VAV2: variants seen among roughly 807,000 people sequenced by gnomAD.
The protein encoded by VAV2 is guanine nucleotide exchange factor VAV2.
Under a neutral mutation model 132.5 loss-of-function variants are expected in VAV2, and 67 were observed. The ratio of observed to expected loss-of-function variants is 0.51; its 90% confidence interval spans 0.42 to 0.62. The LOEUF (loss-of-function observed/expected upper bound fraction) is 0.62. Ranked by LOEUF, VAV2 falls within the 20% of genes least tolerant of loss-of-function variation. The pLI is 0.00. For missense variants in VAV2, 938 were observed against 1,153.6 expected (o/e 0.81, Z 2.71); for synonymous variants, 492 against 443.5 (o/e 1.11, Z -1.37).
intron 1 of VAV2, among the ~76,000 whole-genome samples, chr9:133,967,733 A>T (rs1177581675): frequency 6.8e-6 from 1 of 146,234 alleles, no homozygotes; most frequent in Non-Finnish European, 1.5e-5. Context: ...GGAGTTTGAG[A>T]CCAGCCCGCC....
chr9:133,853,578 G>C (rs1026662864), intron 3 of VAV2, among the ~76,000 whole-genome samples: 1 of 152,070 alleles, frequency 6.6e-6, no homozygotes, highest in Admixed American at 6.5e-5. Context: ...ACGGCCAAGC[G>C]GAGTCTGCAT....
chr9:133,900,925 G>A (rs559882902), intron 2 of VAV2, among the ~76,000 whole-genome samples: 11 of 151,816 alleles, frequency 7.2e-5, no homozygotes, highest in South Asian at 4.2e-4. Flanking sequence ...CAGCTCCCCC[G>A]AGAAGCTGGG....
At chr9:133,880,299 C>G (rs1838440680) in intron 2 of VAV2, among the ~76,000 whole-genome samples, 1 of 152,194 alleles carries the variant, frequency 6.6e-6, no homozygotes, top group African/African-American at 2.4e-5. Flanking sequence ...CAGGAAGCAG[C>G]TGAGCTGAGA....
intron 17 of VAV2, among the ~76,000 whole-genome samples, chr9:133,784,746 G>A (rs1834150160): frequency 6.6e-6 from 1 of 152,158 alleles, no homozygotes; most frequent in South Asian, 2.1e-4. Context: ...ATATACTTAA[G>A]ATTTGTTTGC....
chr9:133,866,875 T>G (rs1016104243), intron 2 of VAV2, among the ~76,000 whole-genome samples: 8 of 151,320 alleles, frequency 5.3e-5, no homozygotes, highest in African/African-American at 1.7e-4. Flanking sequence ...GTGGTGTCTG[T>G]TTAGCACATG....
At chr9:133,877,198 G>A (rs1459663255) in intron 2 of VAV2, among the ~76,000 whole-genome samples, 1 of 152,108 alleles carries the variant, frequency 6.6e-6, no homozygotes, top group Non-Finnish European at 1.5e-5. Context: ...CTGGCTGTAC[G>A]AGGAGAGGCT....
intron 3 of VAV2, among the ~76,000 whole-genome samples, chr9:133,851,821 A>ATGGATGGATGGATGCACAAATGGG (rs1396486219): frequency 1.2e-4 from 18 of 151,006 alleles, no homozygotes; most frequent in African/African-American, 4.2e-4. Flanking sequence ...GGATGGATGG[A>ATGGATGGATGGATGCACAAATGGG]TGGATGGATG....
rs1448579586 is a variant in VAV2 at position 133,885,642 on chromosome 9, G to GC, written c.322-24211dup. Among the ~76,000 whole-genome samples the GC allele has an allele frequency of 6.6e-6, 1 of 152,128 alleles. No individual in the cohort carries two copies. Among genetic ancestry groups the GC allele is most frequent in the Non-Finnish European group, 1.5e-5 (1 of 68,014 alleles). ...CAAGCTTGGTGTGGTGTTCTGCTGG[G>GC]CCCCCACCTCCAATTTCCATCTAAC... is the stretch of plus-strand genomic sequence containing the variant. On this transcript the variant is annotated intron_variant, in intron 2 of 29. Coordinates refer to ENST00000371850, the MANE Select transcript of VAV2 (RefSeq NM_001134398.2). The surrounding 1 kb of genome is among the most constrained non-coding windows in gnomAD (Gnocchi z 5.0).
chr9:133,902,246 A>G (rs1839474441), intron 2 of VAV2, among the ~76,000 whole-genome samples: 1 of 152,214 alleles, frequency 6.6e-6, no homozygotes, highest in Non-Finnish European at 1.5e-5. Flanking sequence ...AGGACCACGC[A>G]GGACAATCCA....
intron 1 of VAV2, among the ~76,000 whole-genome samples, chr9:133,989,743 G>A (rs566900840): frequency 2.6e-5 from 4 of 152,308 alleles, no homozygotes; most frequent in African/African-American, 7.2e-5. Flanking sequence ...ACAGAGAAAC[G>A]AAGTCTTTCT....
intron 2 of VAV2, among the ~76,000 whole-genome samples, chr9:133,861,705 C>A (rs1201669891): frequency 6.6e-6 from 1 of 152,210 alleles, no homozygotes; most frequent in Non-Finnish European, 1.5e-5. Flanking sequence ...TGCTTCTCAC[C>A]CAGAAAGGGT....
intron 1 of VAV2, among the ~76,000 whole-genome samples, chr9:133,981,313 A>G (rs1477676905): frequency 6.6e-6 from 1 of 152,168 alleles, no homozygotes; most frequent in African/African-American, 2.4e-5. Flanking sequence ...ACCCCCCACT[A>G]TACCCGTGCA....
intron 4 of VAV2, among the ~76,000 whole-genome samples, chr9:133,815,158 A>G (rs1835509328): frequency 6.6e-6 from 1 of 152,154 alleles, no homozygotes; most frequent in East Asian, 1.9e-4. Flanking sequence ...GGGTGGACCT[A>G]GAAAAGGGGT....
At chr9:133,892,782 G>C (rs530908075) in intron 2 of VAV2, among the ~76,000 whole-genome samples, 1 of 152,294 alleles carries the variant, frequency 6.6e-6, no homozygotes, top group African/African-American at 2.4e-5. Context: ...GGCGAATCCG[G>C]GCCAGGCTTC....
rs968479842 is a variant in VAV2, at chr9:133,885,657, T to A, written c.322-24225A>T. On this transcript the variant is annotated intron_variant, in intron 2 of 29. Transcript: ENST00000371850. The surrounding 1 kb of genome is among the most constrained non-coding windows in gnomAD (Gnocchi z 5.0). Reference sequence around the variant, plus strand: ...GTTCTGCTGGGCCCCCACCTCCAATTTCCATCTAACAGCTCTGAAATGACT... The same window carrying A: ...GTTCTGCTGGGCCCCCACCTCCAATATCCATCTAACAGCTCTGAAATGACT... Among the ~76,000 whole-genome samples the A allele has an allele frequency of 1.1e-4, 16 of 152,026 alleles. No homozygotes were observed. The highest frequency in any genetic ancestry group is 3.9e-4 in the African/African-American group (16 of 41,384).
chr9:133,851,238 C>T (rs566298198), intron 3 of VAV2, among the ~76,000 whole-genome samples: 1 of 152,354 alleles, frequency 6.6e-6, no homozygotes, highest in Admixed American at 6.5e-5. Flanking sequence ...TTAACCCTTG[C>T]AGCCTTCCAG....
In VAV2 at chr9:133,790,704, G is replaced by C. The variant is rs557174894; in HGVS notation, c.1188+1079C>G. Among the ~76,000 whole-genome samples the C allele has an allele frequency of 6.6e-5, 10 of 152,214 alleles. No homozygotes were observed. In the South Asian group the frequency reaches 2.1e-3, roughly 32 times the overall value. On this transcript the variant is annotated intron_variant, in intron 13 of 29. Coordinates refer to ENST00000371850, the MANE Select transcript of VAV2 (RefSeq NM_001134398.2). ...TTCTTTCTAAAATGAAAGATGAAGGGGGCAGTATCATAATGCCCTTCAGAA... is the reference window on the plus strand; with the variant it reads ...TTCTTTCTAAAATGAAAGATGAAGGCGGCAGTATCATAATGCCCTTCAGAA...
chr9:133,807,008 G>A (rs1042609944), intron 8 of VAV2, among the ~76,000 whole-genome samples: 3 of 152,350 alleles, frequency 2.0e-5, no homozygotes, highest in Admixed American at 6.5e-5. Flanking sequence ...AGCGTCATCC[G>A]TGCCTCCAGC....
At position 133,879,064 on chromosome 9, in the gene VAV2, C is replaced by T. The variant is rs1838383449; in HGVS notation, c.322-17632G>A. Among the ~76,000 whole-genome samples, 1 of 152,202 alleles carries T rather than the reference C, an allele frequency of 6.6e-6. No individual in the cohort carries two copies. The highest frequency in any genetic ancestry group is 2.4e-5 in the African/African-American group (1 of 41,446). Reference sequence around the variant, plus strand: ...CCCCAGGCATCATCCGCCCCCATCCCAGGCATCCTGTGACATAGTCTTCCA... The same window carrying T: ...CCCCAGGCATCATCCGCCCCCATCCTAGGCATCCTGTGACATAGTCTTCCA... On this transcript the variant is annotated intron_variant, in intron 2 of 29. Transcript: ENST00000371850. The surrounding 1 kb of genome is among the most constrained non-coding windows in gnomAD (Gnocchi z 4.4).
Sources: gnomAD v4.1 joint callset for allele counts (sites outside exome capture counted in the v4.1 genomes callset) on GRCh38, gnomAD v4.1.1 for gene constraint, Gnocchi (gnomAD v3.1) non-coding constraint, MANE v1.5 for transcripts, NCBI Gene and HGNC (gene_info 2026-07-23, HGNC 2026-07-21) for gene names.